The following CTNND2 variants were observed in gnomAD, a reference collection of about 807,000 sequenced individuals.
CTNND2 encodes the protein catenin delta-2.
A neutral mutation model predicts 144.4 loss-of-function variants in CTNND2; 22 were observed. The observed-to-expected ratio is 0.15, with a 90% CI of 0.11 to 0.22. The LOEUF (loss-of-function observed/expected upper bound fraction) is 0.22. Ranked by LOEUF, CTNND2 falls within the 10% of genes least tolerant of loss-of-function variation. The pLI, the probability that CTNND2 is intolerant of heterozygous loss-of-function variation, is 1.00. For missense variants in CTNND2, 1,353 were observed against 1,618.8 expected (o/e 0.84, Z 2.82); for synonymous variants, 751 against 695.6 (o/e 1.08, Z -1.25).
chr5:11,822,460 C>A (rs903638514), intron 1 of CTNND2, among the ~76,000 whole-genome samples: 1 of 152,108 alleles, frequency 6.6e-6, no homozygotes, highest in African/African-American at 2.4e-5. Flanking sequence ...GTATGTGTAA[C>A]AAATGAGTAC....
intron 2 of CTNND2, among the ~76,000 whole-genome samples, chr5:11,585,680 A>T (rs558401848): frequency 1.3e-5 from 2 of 152,312 alleles, no homozygotes; most frequent in South Asian, 4.1e-4. Context: ...GATTACATAG[A>T]GCTACCTGTG....
At chr5:11,672,647 T>A (rs1460166006) in intron 2 of CTNND2, among the ~76,000 whole-genome samples, 1 of 152,046 alleles carries the variant, frequency 6.6e-6, no homozygotes, top group Non-Finnish European at 1.5e-5. Context: ...GCATCCCAGG[T>A]AGAGCTCAGA....
chr5:11,389,749 G>C (rs1444330789), intron 6 of CTNND2, among the ~76,000 whole-genome samples: 1 of 152,164 alleles, frequency 6.6e-6, no homozygotes, highest in African/African-American at 2.4e-5. Flanking sequence ...TCCCTACTCT[G>C]AAAATCCAAA....
At chr5:11,668,142 G>T (rs1783675888) in intron 2 of CTNND2, among the ~76,000 whole-genome samples, 1 of 152,212 alleles carries the variant, frequency 6.6e-6, no homozygotes, top group Non-Finnish European at 1.5e-5. Flanking sequence ...TTTGGTACCA[G>T]TACCATGCTG....
At chr5:11,708,983 G>A (rs1785873644) in intron 2 of CTNND2, among the ~76,000 whole-genome samples, 1 of 152,172 alleles carries the variant, frequency 6.6e-6, no homozygotes, top group Non-Finnish European at 1.5e-5. Context: ...ATTGTCACAT[G>A]CATCAGTAGT....
rs561051378 is a variant in CTNND2, at chr5:11,171,191, T to C, written c.1976-11432A>G. On this transcript the variant is annotated intron_variant, in intron 11 of 21. Transcript: ENST00000304623. ...GACATTACCATGTCACATGCACTAT[T>C]TAATTAAATCCTGACCACAACCTTA... 5.3e-4 allele frequency among the ~76,000 whole-genome samples: 80 copies of C among 152,302 alleles called. 1 individual carries two copies. The highest frequency in any genetic ancestry group is 1.6e-3 in the African/African-American group (67 of 41,570).
rs746087872 is a variant in CTNND2 at position 11,384,777 on chromosome 5, C to T, written c.1065G>A (p.Thr355=). 3.1e-6 allele frequency: 5 copies of T among 1,613,078 alleles called. No homozygotes were observed. Among genetic ancestry groups the T allele is most frequent in the South Asian group, 1.1e-5 (1 of 90,856 alleles). The part of the protein sequence containing the change: ...PIHQLSSTIG[T]YATLSPTKRL... ...GCTTGGTGGGCGACAGGGTGGCGTA[C>T]GTGCCGATGGTGGAGCTCAGCTGGT... The change falls in exon 7 of 22, where the codon ACG becomes ACA. Residue 355 remains threonine (T), a synonymous_variant. Coordinates refer to ENST00000304623, the MANE Select transcript of CTNND2 (RefSeq NM_001332.4). This position sits in a 1 kb window ranked among gnomAD's most constrained non-coding sequence, Gnocchi z 5.2.
At chr5:11,420,100 G>A (rs1762248023) in intron 3 of CTNND2, among the ~76,000 whole-genome samples, 2 of 152,138 alleles carry the variant, frequency 1.3e-5, no homozygotes, top group Admixed American at 6.5e-5. Context: ...CGAGGCGGGC[G>A]ATCACAAGAT....
chr5:11,235,928 C>T (rs770322756), intron 10 of CTNND2, among the ~76,000 whole-genome samples: 9 of 152,180 alleles, frequency 5.9e-5, no homozygotes, highest in African/African-American at 2.2e-4. Flanking sequence ...ATTGCTTACA[C>T]GCCATAAAGA....
intron 2 of CTNND2, among the ~76,000 whole-genome samples, chr5:11,694,867 G>A (rs1785073641): frequency 6.6e-6 from 1 of 152,192 alleles, no homozygotes; most frequent in Non-Finnish European, 1.5e-5. Context: ...TATGCTTTGA[G>A]GATTTTCATT....
chr5:11,623,271 G>C lies in CTNND2; in HGVS notation c.175-58215C>G, dbSNP rs559261822. Among the ~76,000 whole-genome samples, 3 of 152,176 alleles carry C rather than the reference G, an allele frequency of 2.0e-5. No homozygotes were observed. In the East Asian group the frequency reaches 5.8e-4, roughly 29 times the overall value. ...CACCCAAATCTCATCTTGAATTGTAGCTCCCATAATTCCTACTTGTTACGA... is the reference window on the plus strand; with the variant it reads ...CACCCAAATCTCATCTTGAATTGTACCTCCCATAATTCCTACTTGTTACGA... On this transcript the variant is annotated intron_variant, in intron 2 of 21. Transcript: ENST00000304623.
chr5:11,853,716 A>T (rs1373675311), intron 1 of CTNND2, among the ~76,000 whole-genome samples: 2 of 152,182 alleles, frequency 1.3e-5, no homozygotes, highest in African/African-American at 4.8e-5. Flanking sequence ...ACAGTTTCTG[A>T]GGCCAAAAAT....
intron 16 of CTNND2, among the ~76,000 whole-genome samples, chr5:11,050,296 G>A (rs142141308): frequency 1.4e-4 from 22 of 152,236 alleles, no homozygotes; most frequent in Admixed American, 1.2e-3. Context: ...GTGAAAAGAG[G>A]TCCAAGGAGA....
Position 11,545,478 on chromosome 5 carries a change from T to G in CTNND2, c.287+19466A>C, listed in dbSNP as rs114631355. Among the ~76,000 whole-genome samples, 1,386 of 151,276 alleles carry G rather than the reference T, an allele frequency of 9.2e-3. 28 individuals carry two copies. The highest frequency in any genetic ancestry group is 0.053 in the East Asian group (270 of 5,108). On this transcript the variant is annotated intron_variant, in intron 3 of 21. Coordinates refer to ENST00000304623, the MANE Select transcript of CTNND2 (RefSeq NM_001332.4). Reference sequence around the variant, plus strand: ...TCTGAGTTCAGGAGTTCTAGCAGTGTGGCCACACCCTGTCTCTACTAAAAA... The same window carrying G: ...TCTGAGTTCAGGAGTTCTAGCAGTGGGGCCACACCCTGTCTCTACTAAAAA...
At chr5:11,554,277 A>G (rs939800330) in intron 3 of CTNND2, among the ~76,000 whole-genome samples, 1 of 152,200 alleles carries the variant, frequency 6.6e-6, no homozygotes, top group Non-Finnish European at 1.5e-5. Flanking sequence ...TAATCACTGC[A>G]GTGTATGGAA....
Position 11,159,283 on chromosome 5 carries a change from G to A in CTNND2, c.2159+293C>T, listed in dbSNP as rs568972699. 2.6e-5 allele frequency among the ~76,000 whole-genome samples: 4 copies of A among 152,138 alleles called. No individual in the cohort carries two copies. The East Asian group carries it at 5.8e-4, about 22-fold the overall frequency. On this transcript the variant is annotated intron_variant, in intron 12 of 21. Transcript: ENST00000304623. Reference sequence around the variant, plus strand: ...GAAATTACCAAGAACTATTGTTTTCGGCCAAAGAAAATGACTTATTTTGGG... The same window carrying A: ...GAAATTACCAAGAACTATTGTTTTCAGCCAAAGAAAATGACTTATTTTGGG...
intron 9 of CTNND2, among the ~76,000 whole-genome samples, chr5:11,330,053 C>T (rs1227748772): frequency 6.6e-6 from 1 of 152,138 alleles, no homozygotes; most frequent in South Asian, 2.1e-4. Context: ...ACAGTATGGG[C>T]CTGAATGATA....
At chr5:11,205,402 T>G (rs1268772517) in intron 10 of CTNND2, among the ~76,000 whole-genome samples, 1 of 152,216 alleles carries the variant, frequency 6.6e-6, no homozygotes, top group Non-Finnish European at 1.5e-5. Context: ...ACTGTTATTT[T>G]TCAATGGTAC....
chr5:11,385,531 TAGTCAC>T (rs1172585342), intron 6 of CTNND2, among the ~76,000 whole-genome samples: 10 of 152,190 alleles, frequency 6.6e-5, no homozygotes, highest in Admixed American at 6.5e-4. Context: ...AGCATCGCAT[TAGTCAC>T]ATAAAGATTT....
Sources: gnomAD v4.1 joint callset for allele counts (sites outside exome capture counted in the v4.1 genomes callset) on GRCh38, gnomAD v4.1.1 for gene constraint, Gnocchi (gnomAD v3.1) non-coding constraint, MANE v1.5 for transcripts, NCBI Gene and HGNC (gene_info 2026-07-23, HGNC 2026-07-21) for gene names.